The following CALCR variants were observed in gnomAD, a reference collection of about 807,000 sequenced individuals.
CALCR encodes calcitonin receptor.
A neutral mutation model predicts 59.5 loss-of-function variants in CALCR; 47 were observed. That is an observed-to-expected ratio of 0.79 (90% CI 0.63 to 1.01). CALCR has a LOEUF of 1.01. CALCR is among the 50% of genes least tolerant of loss of function. The pLI, the probability that CALCR is intolerant of heterozygous loss-of-function variation, is 0.00. For missense variants in CALCR, 566 were observed against 597.1 expected (o/e 0.95, Z 0.54); for synonymous variants, 213 against 211.3 (o/e 1.01, Z -0.07).
intron 2 of CALCR, among the ~76,000 whole-genome samples, chr7:93,539,496 G>A (rs1789074651): frequency 6.6e-6 from 1 of 151,938 alleles, no homozygotes; most frequent in Non-Finnish European, 1.5e-5. Context: ...CTACAAGGAA[G>A]TGTTCCTCTG....
intron 8 of CALCR, among the ~76,000 whole-genome samples, chr7:93,450,592 A>G (rs1030286656): frequency 1.3e-5 from 2 of 151,960 alleles, no homozygotes; most frequent in African/African-American, 4.8e-5. Flanking sequence ...TTTCTATCAG[A>G]GTTTTACTTG....
intron 8 of CALCR, among the ~76,000 whole-genome samples, chr7:93,446,727 C>A (rs1315122448): frequency 6.6e-6 from 1 of 151,928 alleles, no homozygotes; most frequent in Non-Finnish European, 1.5e-5. Flanking sequence ...TAATTAGCAG[C>A]ATGGGGTATT....
chr7:93,489,872 G>A (rs1431945509), intron 2 of CALCR, among the ~76,000 whole-genome samples: 4 of 151,492 alleles, frequency 2.6e-5, no homozygotes. Flanking sequence ...CTATTCTGAA[G>A]AATTGAAAAG....
chr7:93,515,164 A>G (rs1042687392), intron 2 of CALCR, among the ~76,000 whole-genome samples: 15 of 152,062 alleles, frequency 9.9e-5, no homozygotes, highest in African/African-American at 3.6e-4. Flanking sequence ...TTATAATTGT[A>G]AATCACTTTC....
chr7:93,442,209 C>T (rs1799921234), intron 9 of CALCR, among the ~76,000 whole-genome samples: 1 of 152,226 alleles, frequency 6.6e-6, no homozygotes, highest in African/African-American at 2.4e-5. Context: ...ATATTTCTGC[C>T]CTTAGATTCC....
intron 2 of CALCR, among the ~76,000 whole-genome samples, chr7:93,529,315 T>A (rs568575538): frequency 5.7e-4 from 87 of 152,120 alleles, no homozygotes; most frequent in Non-Finnish European, 9.8e-4. Context: ...GCTCCCACCG[T>A]GTAAGATACC....
chr7:93,488,521 G>T (rs890673482), intron 2 of CALCR, among the ~76,000 whole-genome samples: 1 of 134,992 alleles, frequency 7.4e-6, no homozygotes, highest in Admixed American at 8.0e-5. Flanking sequence ...CATTTCATGT[G>T]CAAAGACACA....
At chr7:93,537,303 G>A (rs544038258) in intron 2 of CALCR, among the ~76,000 whole-genome samples, 1 of 151,870 alleles carries the variant, frequency 6.6e-6, no homozygotes, top group South Asian at 2.1e-4. Context: ...TAGTACTTCA[G>A]ATGAGAAGAA....
chr7:93,479,444 A>G lies in CALCR; in HGVS notation c.115T>C (p.Phe39Leu). The G allele has an allele frequency of 6.2e-7, 1 of 1,612,652 alleles. No homozygotes were observed. The highest frequency in any genetic ancestry group is 1.1e-5 in the South Asian group (1 of 91,032). Residue 39 changes from phenylalanine (F) to leucine (L), a missense_variant, in exon 4 of 14, where the codon TTT becomes CTT. Phe to Leu is a conservative substitution (Grantham distance 22). Transcript: ENST00000426151. ...TTCTTTCGTCCTACGACGTAAAGAA[A>G]TGGCTTGGGCTCTATTGTTGGATAG... ...QTYPTIEPKP[F>L]LYVVGRKKMM...
At chr7:93,518,079 G>C (rs537604215) in intron 2 of CALCR, among the ~76,000 whole-genome samples, 1 of 151,752 alleles carries the variant, frequency 6.6e-6, no homozygotes, top group Non-Finnish European at 1.5e-5. Context: ...GAGAACAGTA[G>C]ATAAAAATAT....
intron 2 of CALCR, among the ~76,000 whole-genome samples, chr7:93,526,396 G>C (rs1057175269): frequency 9.2e-5 from 14 of 151,998 alleles, no homozygotes; most frequent in South Asian, 4.1e-4. Flanking sequence ...AGCAAAGAAG[G>C]GGGGAAAAGG....
chr7:93,565,130 G>A (rs1480174589), intron 2 of CALCR, among the ~76,000 whole-genome samples: 1 of 152,194 alleles, frequency 6.6e-6, no homozygotes, highest in African/African-American at 2.4e-5. Context: ...ATGGCTCCCT[G>A]CAACTTTGCA....
chr7:93,482,309 A>C (rs1386193053), intron 3 of CALCR, among the ~76,000 whole-genome samples: 2 of 151,848 alleles, frequency 1.3e-5, no homozygotes, highest in Non-Finnish European at 2.9e-5. Flanking sequence ...CAACTTATAC[A>C]TTTATTTTAG....
chr7:93,436,722 A>G (rs1799786335), intron 11 of CALCR, among the ~76,000 whole-genome samples: 1 of 152,128 alleles, frequency 6.6e-6, no homozygotes, highest in South Asian at 2.1e-4. Flanking sequence ...ACTCAACATA[A>G]TGTGTCTTTT....
chr7:93,483,438 T>C (rs144755723), intron 3 of CALCR, among the ~76,000 whole-genome samples: 2 of 138,812 alleles, frequency 1.4e-5, no homozygotes, highest in African/African-American at 3.2e-5. Flanking sequence ...GATAGATAGA[T>C]AGATAGATAG....
At chr7:93,480,300 AT>A (rs1460047037) in intron 3 of CALCR, among the ~76,000 whole-genome samples, 1 of 151,798 alleles carries the variant, frequency 6.6e-6, no homozygotes, top group Non-Finnish European at 1.5e-5. Context: ...AAAGATTTCA[AT>A]TTCTTTTGTG....
chr7:93,516,224 A>C (rs899253069), intron 2 of CALCR, among the ~76,000 whole-genome samples: 7 of 151,926 alleles, frequency 4.6e-5, no homozygotes, highest in Admixed American at 3.9e-4. Context: ...GATAATCCCA[A>C]ACTTATAAGC....
At chr7:93,491,587 G>C (rs1329352320) in intron 2 of CALCR, among the ~76,000 whole-genome samples, 1 of 152,002 alleles carries the variant, frequency 6.6e-6, no homozygotes, top group African/African-American at 2.4e-5. Flanking sequence ...CCATCAAAAA[G>C]TGGGAAAAGG....
At chr7:93,505,472 C>T (rs1243480622) in intron 2 of CALCR, among the ~76,000 whole-genome samples, 1 of 152,152 alleles carries the variant, frequency 6.6e-6, no homozygotes, top group Non-Finnish European at 1.5e-5. Flanking sequence ...AACCAAGACT[C>T]AGGGAGGAGA....
Sources: allele counts gnomAD v4.1 joint callset (sites outside exome capture counted in the v4.1 genomes callset), GRCh38; gene constraint gnomAD v4.1.1; transcripts MANE v1.5; gene names NCBI Gene and HGNC (gene_info 2026-07-23, HGNC 2026-07-21).